WWOX: variants seen among roughly 807,000 people sequenced by gnomAD.
WWOX encodes the protein WW domain-containing oxidoreductase.
In WWOX, 69 loss-of-function variants were observed where a neutral mutation model predicts 46.2. The ratio of observed to expected loss-of-function variants is 1.49; its 90% confidence interval spans 1.23 to 1.82. The LOEUF (loss-of-function observed/expected upper bound fraction) is 1.82, where lower values mean the gene tolerates loss of function less well. Ranked by LOEUF, WWOX falls within the 40% of genes most tolerant of loss-of-function variation. The probability of loss-of-function intolerance (pLI) is 0.00; values close to 1 mark genes in which losing one functional copy is unlikely to be tolerated. For synonymous variants in WWOX, 359 were observed against 202.6 expected, an observed-to-expected ratio of 1.77 and a Z score of -6.56; for missense variants, 919 against 542.6, an observed-to-expected ratio of 1.69 and a Z score of -6.89.
At chr16:78,694,117 A>G (rs911326575) in intron 8 of WWOX, among the ~76,000 whole-genome samples, 1 of 152,114 alleles carries the variant, frequency 6.6e-6, no homozygotes, top group African/African-American at 2.4e-5. Context: ...ATATAATCCC[A>G]GCTACTCTGT....
rs574854460 is a variant in WWOX, at chr16:78,972,148, G to A, written c.1057-239460G>A. Among the ~76,000 whole-genome samples, 3 of 152,320 alleles carry A rather than the reference G, an allele frequency of 2.0e-5. No individual in the cohort carries two copies. In the South Asian group the frequency reaches 6.2e-4, roughly 32 times the overall value. On this transcript the variant is annotated intron_variant, in intron 8 of 8. Transcript: ENST00000566780. Reference sequence around the variant, plus strand: ...CATTGGAGGAGGAAGCTTGGGGCAGGTGGCAGAGCAACTTCATTTCCAGAT... The same window carrying A: ...CATTGGAGGAGGAAGCTTGGGGCAGATGGCAGAGCAACTTCATTTCCAGAT...
chr16:78,595,085 G>T (rs80181904), intron 8 of WWOX, among the ~76,000 whole-genome samples: 1 of 152,158 alleles, frequency 6.6e-6, no homozygotes, highest in African/African-American at 2.4e-5. Context: ...GCTGCCATGC[G>T]CATGAGGCTG....
At chr16:78,223,625 T>A (rs1305354983) in intron 5 of WWOX, among the ~76,000 whole-genome samples, 1 of 151,966 alleles carries the variant, frequency 6.6e-6, no homozygotes, top group Admixed American at 6.6e-5. Context: ...CGGTGCAGAG[T>A]CTTGGGAAGC....
intron 8 of WWOX, among the ~76,000 whole-genome samples, chr16:78,565,084 C>G (rs1403208317): frequency 6.6e-6 from 1 of 152,150 alleles, no homozygotes; most frequent in African/African-American, 2.4e-5. Flanking sequence ...TGGAAGGAAC[C>G]TCAGTTTGTC....
intron 8 of WWOX, among the ~76,000 whole-genome samples, chr16:78,523,380 A>G (rs1215089184): frequency 6.6e-6 from 1 of 152,224 alleles, no homozygotes; most frequent in Non-Finnish European, 1.5e-5. Context: ...TTGTATTCAA[A>G]TGGCTCTATA....
intron 8 of WWOX, among the ~76,000 whole-genome samples, chr16:78,628,140 C>T (rs1159817049): frequency 6.6e-6 from 1 of 152,148 alleles, no homozygotes; most frequent in Non-Finnish European, 1.5e-5. Flanking sequence ...GATCTGCTTC[C>T]TTTGTTGGAG....
chr16:78,825,543 GA>G, intron 8 of WWOX: 5 of 528,062 alleles, frequency 9.5e-6, no homozygotes, highest in South Asian at 1.4e-5. Flanking sequence ...GCTTTATGCT[GA>G]AAAGGTGGCC....
intron 6 of WWOX, among the ~76,000 whole-genome samples, chr16:78,398,596 G>A (rs550107832): frequency 5.9e-5 from 9 of 152,098 alleles, no homozygotes; most frequent in African/African-American, 2.2e-4. Context: ...GGAATACTTC[G>A]GGGATGCTTT....
At chr16:79,031,918 ATATATATAGATATCTG>A (rs766560421) in intron 8 of WWOX, among the ~76,000 whole-genome samples, 54,995 of 136,774 alleles carry the variant, frequency 0.4, 11,875 homozygotes, top group East Asian at 0.64. Context: ...ATAGATATCT[ATATATATAGATATCTG>A]TATACAGATA....
intron 4 of WWOX, among the ~76,000 whole-genome samples, chr16:78,154,356 C>G (rs1409871330): frequency 1.3e-5 from 2 of 152,130 alleles, no homozygotes; most frequent in Non-Finnish European, 2.9e-5. Context: ...ATAGTGTTTA[C>G]TCCCTGCCTA....
At chr16:79,005,744 C>G (rs74600985) in intron 8 of WWOX, among the ~76,000 whole-genome samples, 1,857 of 152,308 alleles carry the variant, frequency 0.012, 34 homozygotes, top group African/African-American at 0.043. Context: ...CTAAGTCCAT[C>G]TGCAAAGACC....
At chr16:78,223,838 A>T (rs2036967223) in intron 5 of WWOX, among the ~76,000 whole-genome samples, 1 of 152,212 alleles carries the variant, frequency 6.6e-6, no homozygotes, top group East Asian at 1.9e-4. Context: ...ATAGCCATTT[A>T]CATGTCAAGA....
intron 8 of WWOX, among the ~76,000 whole-genome samples, chr16:78,674,222 T>A (rs1309274730): frequency 6.6e-6 from 1 of 151,536 alleles, no homozygotes; most frequent in Non-Finnish European, 1.5e-5. Context: ...GAACATAGGG[T>A]GCATAAGAGA....
At chr16:78,261,641 A>G (rs984634517) in intron 5 of WWOX, among the ~76,000 whole-genome samples, 2 of 150,106 alleles carry the variant, frequency 1.3e-5, no homozygotes, top group Non-Finnish European at 3.0e-5. Flanking sequence ...TTTGGGAATC[A>G]GGGAGACTAT....
chr16:78,418,497 C>T (rs1410627456), intron 6 of WWOX, among the ~76,000 whole-genome samples: 1 of 152,050 alleles, frequency 6.6e-6, no homozygotes, highest in Non-Finnish European at 1.5e-5. Flanking sequence ...ACAAAGATAT[C>T]ACAAGAAAAG....
At chr16:78,962,696 G>T (rs1314277622) in intron 8 of WWOX, among the ~76,000 whole-genome samples, 2 of 152,124 alleles carry the variant, frequency 1.3e-5, no homozygotes, top group African/African-American at 4.8e-5. Context: ...TAAATGTACA[G>T]TTCAATGAAC....
intron 8 of WWOX, among the ~76,000 whole-genome samples, chr16:78,602,792 A>C (rs186158218): frequency 2.0e-5 from 3 of 152,338 alleles, no homozygotes; most frequent in Admixed American, 2.0e-4. Flanking sequence ...CGTTCCATTT[A>C]AGTCTGCTAA....
chr16:78,612,030 C>T (rs753468595), intron 8 of WWOX, among the ~76,000 whole-genome samples: 2 of 152,306 alleles, frequency 1.3e-5, no homozygotes, highest in African/African-American at 2.4e-5. Context: ...CTTAAGACTT[C>T]TCAAGCAAGT....
At chr16:78,324,902 A>G (rs993574987) in intron 5 of WWOX, among the ~76,000 whole-genome samples, 3 of 152,226 alleles carry the variant, frequency 2.0e-5, no homozygotes, top group African/African-American at 7.2e-5. Flanking sequence ...ACAATTTTAA[A>G]TGGGTGAATC....
Sources: gnomAD v4.1 joint callset for allele counts (sites outside exome capture counted in the v4.1 genomes callset) on GRCh38, gnomAD v4.1.1 for gene constraint, MANE v1.5 for transcripts, NCBI Gene and HGNC (gene_info 2026-07-23, HGNC 2026-07-21) for gene names.